ACSM6: variants seen among roughly 807,000 people sequenced by gnomAD.
The protein encoded by ACSM6 is acyl-coenzyme A synthetase ACSM6, mitochondrial.
Under a neutral mutation model 51.1 loss-of-function variants are expected in ACSM6, and 35 were observed. The ratio of observed to expected loss-of-function variants is 0.69; its 90% CI spans 0.52 to 0.91. The LOEUF (loss-of-function observed/expected upper bound fraction) is 0.91. ACSM6 is among the 40% of genes least tolerant of loss of function. The pLI is 0.00. For synonymous variants in ACSM6, 172 were observed against 207.3 expected, an observed-to-expected ratio of 0.83 and a Z score of 1.46; for missense variants, 509 against 584.1, an observed-to-expected ratio of 0.87 and a Z score of 1.32.
intron 10 of ACSM6, among the ~76,000 whole-genome samples, chr10:95,226,954 T>C (rs185698668): frequency 8.3e-4 from 127 of 152,114 alleles, no homozygotes; most frequent in Middle Eastern, 3.4e-3. Flanking sequence ...TTTTTACTTA[T>C]GATTTTCAGG....
chr10:95,228,519 G>A, intron 10 of ACSM6, 125 bp from the exon 11 acceptor site: 1 of 917,964 alleles, frequency 1.1e-6, no homozygotes, highest in Non-Finnish European at 1.5e-6. Flanking sequence ...AGATCCCCTG[G>A]AGAGTGGGGA....
At chr10:95,209,299 C>A (rs2034871962) in intron 4 of ACSM6, among the ~76,000 whole-genome samples, 1 of 152,048 alleles carries the variant, frequency 6.6e-6, no homozygotes, top group African/African-American at 2.4e-5. Flanking sequence ...AACACCAGGG[C>A]ACCTGAAGTG....
At position 95,201,731 on chromosome 10, in the gene ACSM6, C is replaced by T. The variant is rs138370094; in HGVS notation, c.193-254C>T. On this transcript the variant is annotated intron_variant, in intron 2 of 10. Transcript: ENST00000341686. Reference sequence around the variant, plus strand: ...GCCATCCTGGGCAGGGCTGGTTTCACGTTACATGCTGAGTTCTCTCAGGAG... The same window carrying T: ...GCCATCCTGGGCAGGGCTGGTTTCATGTTACATGCTGAGTTCTCTCAGGAG... The T allele has an allele frequency of 2.0e-4, 113 of 555,194 alleles. 2 individuals carry two copies. Among genetic ancestry groups the T allele is most frequent in the African/African-American group, 9.8e-4 (52 of 53,086 alleles). The allele number at this position is 555,194 out of a possible 1,614,324, so 34.4% of individuals were successfully genotyped here.
At chr10:95,202,126 G>A in exon 3 of ACSM6, 1 of 1,552,280 alleles carries the variant, frequency 6.4e-7, no homozygotes. Flanking sequence ...TAGCCATGGA[G>A]ACCGGCTGAT....
intron 9 of ACSM6, among the ~76,000 whole-genome samples, chr10:95,222,872 G>T (rs553280831): frequency 7.0e-6 from 1 of 142,734 alleles, no homozygotes; most frequent in African/African-American, 3.1e-5. Context: ...AATAATAAGA[G>T]GGTGGGAGGA....
chr10:95,222,491 CAT>C (rs1589498277), intron 9 of ACSM6, among the ~76,000 whole-genome samples: 1 of 151,994 alleles, frequency 6.6e-6, no homozygotes, highest in East Asian at 1.9e-4. Flanking sequence ...GGCATGGTGG[CAT>C]ATGACTGTAA....
intron 2 of ACSM6, 95 bp from the exon 3 acceptor site, chr10:95,201,875 CCTAGCCTCTCAAGAT>C: frequency 1.1e-6 from 1 of 880,916 alleles, no homozygotes; most frequent in Non-Finnish European, 1.8e-6. Context: ...GCCCAGGCAT[CCTAGCCTCTCAAGAT>C]CTAGCCACTT....
At chr10:95,224,610 G>C (rs1444779431) in intron 9 of ACSM6, among the ~76,000 whole-genome samples, 1 of 152,214 alleles carries the variant, frequency 6.6e-6, no homozygotes. Flanking sequence ...ATGTTGGTCA[G>C]GCTGGTCTCG....
chr10:95,217,353 A>AAG (rs1554830057), intron 8 of ACSM6, among the ~76,000 whole-genome samples: 7 of 151,308 alleles, frequency 4.6e-5, no homozygotes, highest in Admixed American at 2.0e-4. Context: ...TCTCAAAAAA[A>AAG]AAAAAGAAAA....
At chr10:95,220,068 G>A (rs764533715) in intron 9 of ACSM6, 97 bp downstream of exon 9, 8 of 948,480 alleles carry the variant, frequency 8.4e-6, no homozygotes, top group Non-Finnish European at 1.3e-5. Context: ...AATGAGGAAA[G>A]TCCACCATTC....
At chr10:95,205,119 C>T (rs1053098146) in intron 3 of ACSM6, among the ~76,000 whole-genome samples, 6 of 152,140 alleles carry the variant, frequency 3.9e-5, no homozygotes, top group Admixed American at 1.3e-4. Context: ...TTTTAAACTA[C>T]GCTGACATTA....
At chr10:95,201,763 C>T (rs1029733063) in intron 2 of ACSM6, 2 of 584,712 alleles carry the variant, frequency 3.4e-6, no homozygotes, top group African/African-American at 3.7e-5. Context: ...GGAGGTTCTT[C>T]CCTAGGCTCA....
chr10:95,222,996 G>C (rs2035007673), intron 9 of ACSM6, among the ~76,000 whole-genome samples: 1 of 151,916 alleles, frequency 6.6e-6, no homozygotes. Flanking sequence ...ATAGCTTTTT[G>C]CATGTCAACT....
rs1004167462 is a variant in ACSM6 at position 95,194,580 on chromosome 10, C to T, written c.95C>T (p.Thr32Ile). 4.3e-5 allele frequency: 66 copies of T among 1,551,918 alleles called. No individual in the cohort carries two copies. Among genetic ancestry groups the T allele is most frequent in the Non-Finnish European group, 5.7e-5 (65 of 1,147,030 alleles). Residue 32 changes from threonine to isoleucine, a missense_variant, in exon 2 of 11, where the codon ACC becomes ATC. Transcript: ENST00000341686. Reference sequence around the variant, plus strand: ...CCAAACCAAAAATGTGCTACTCAGACCATCAGACCCCCTGACTCCAGGTGC... The same window carrying T: ...CCAAACCAAAAATGTGCTACTCAGATCATCAGACCCCCTGACTCCAGGTGC...
chr10:95,204,333 C>A (rs943671389), intron 3 of ACSM6, among the ~76,000 whole-genome samples: 1 of 152,116 alleles, frequency 6.6e-6, no homozygotes, highest in African/African-American at 2.4e-5. Context: ...GGGAGGATCA[C>A]CTGAGGTGAG....
In ACSM6 at chr10:95,211,170, T is replaced by C. The variant is rs545513066; in HGVS notation, c.755+377T>C. On this transcript the variant is annotated intron_variant, in intron 5 of 10. Transcript: ENST00000341686. Reference sequence around the variant, plus strand: ...AGGTAGAGTCATAATTGATAAGGGGTTTGGGTTCTAGAGTCAGCCTCTAAG... The same window carrying C: ...AGGTAGAGTCATAATTGATAAGGGGCTTGGGTTCTAGAGTCAGCCTCTAAG... Among the ~76,000 whole-genome samples the C allele has an allele frequency of 2.6e-5, 4 of 152,212 alleles. No individual in the cohort carries two copies. In the East Asian group the frequency reaches 5.8e-4, roughly 22 times the overall value.
At chr10:95,211,902 A>T (rs1419346851) in exon 6 of ACSM6, 16 of 1,610,522 alleles carry the variant, frequency 9.9e-6, no homozygotes, top group Non-Finnish European at 1.4e-5. Context: ...TCCAGCCAAC[A>T]GATGTCTTGT....
At chr10:95,225,350 A>C (rs1441845556) in exon 10 of ACSM6, 3 of 1,551,718 alleles carry the variant, frequency 1.9e-6, no homozygotes, top group Middle Eastern at 3.3e-4. Context: ...TGCAATCCGC[A>C]TAAAACTAAA....
chr10:95,200,615 G>GAGAAGGAAA (rs144423976), intron 2 of ACSM6, among the ~76,000 whole-genome samples: 1 of 148,324 alleles, frequency 6.7e-6, no homozygotes, highest in Admixed American at 6.7e-5. Context: ...GAAGGAGAAG[G>GAGAAGGAAA]AGAAGAAGAA....
Sources: allele counts gnomAD v4.1 joint callset (sites outside exome capture counted in the v4.1 genomes callset), GRCh38; gene constraint gnomAD v4.1.1; transcripts MANE v1.5; gene names NCBI Gene and HGNC (gene_info 2026-07-23, HGNC 2026-07-21).